VWC2L: variants seen among roughly 807,000 people sequenced by gnomAD.
VWC2L encodes von Willebrand factor C domain-containing protein 2-like.
A neutral mutation model predicts 21.6 loss-of-function variants in VWC2L; 10 were observed. That is an observed-to-expected ratio of 0.46 (90% CI 0.29 to 0.78). The LOEUF (loss-of-function observed/expected upper bound fraction) is 0.78, where lower values mean the gene tolerates loss of function less well. VWC2L is among the 30% of genes least tolerant of loss of function. VWC2L has a pLI of 0.10. For missense variants in VWC2L, 209 were observed against 277.1 expected, an observed-to-expected ratio of 0.75 and a Z score of 1.74; for synonymous variants, 96 against 94.3, an observed-to-expected ratio of 1.02 and a Z score of -0.10.
chr2:214,489,198 C>T (rs1688713961), intron 3 of VWC2L, among the ~76,000 whole-genome samples: 1 of 152,074 alleles, frequency 6.6e-6, no homozygotes, highest in African/African-American at 2.4e-5. Context: ...AGCTAGTGCT[C>T]AAAGAAATCA....
intron 3 of VWC2L, among the ~76,000 whole-genome samples, chr2:214,463,913 TGATA>T (rs1184419559): frequency 2.0e-5 from 3 of 152,112 alleles, no homozygotes; most frequent in African/African-American, 7.2e-5. Context: ...TTCTTCTGCT[TGATA>T]AATTCTGCTG....
intron 3 of VWC2L, among the ~76,000 whole-genome samples, chr2:214,567,595 C>CACACACACAG (rs1553602423): frequency 5.9e-5 from 8 of 135,306 alleles, no homozygotes; most frequent in African/African-American, 1.9e-4. Context: ...CACACACACA[C>CACACACACAG]AGAGAGAGAG....
At position 214,424,096 on chromosome 2, in the gene VWC2L, C is replaced by T. The variant is rs1702482042; in HGVS notation, c.390+9513C>T. On this transcript the variant is annotated intron_variant, in intron 2 of 3. Transcript: ENST00000312504. ...GTTGCAAAAATTCAGATTCCTTGAC[C>T]TTTCCATCTTAAATTCCAATTTACA... is the stretch of plus-strand genomic sequence containing the variant. 2.0e-5 allele frequency among the ~76,000 whole-genome samples: 3 copies of T among 152,080 alleles called. No homozygotes were observed. The South Asian group carries it at 6.2e-4, about 31-fold the overall frequency.
chr2:214,520,483 G>A (rs1055063080), intron 3 of VWC2L, among the ~76,000 whole-genome samples: 5 of 152,054 alleles, frequency 3.3e-5, no homozygotes, highest in Admixed American at 6.5e-5. Context: ...TTGACCATGA[G>A]TCTTTGTTCA....
intron 3 of VWC2L, among the ~76,000 whole-genome samples, chr2:214,518,157 C>T (rs948041456): frequency 9.9e-6 from 1 of 101,398 alleles, no homozygotes; most frequent in Non-Finnish European, 2.2e-5. Flanking sequence ...CAGAGCAAGA[C>T]TCTGTCTCAA....
intron 3 of VWC2L, among the ~76,000 whole-genome samples, chr2:214,559,699 C>G (rs1302870776): frequency 6.6e-6 from 1 of 151,916 alleles, no homozygotes; most frequent in Non-Finnish European, 1.5e-5. Context: ...AGCCTTGAAC[C>G]CTTGAGCTTA....
At chr2:214,420,949 A>T (rs4673826) in intron 2 of VWC2L, among the ~76,000 whole-genome samples, 99,269 of 152,156 alleles carry the variant, frequency 0.65, 34,085 homozygotes, top group African/African-American at 0.87. Flanking sequence ...GAGACCTTAC[A>T]ATTGCTTATC....
At chr2:214,537,141 G>A (rs1689547633) in intron 3 of VWC2L, among the ~76,000 whole-genome samples, 1 of 152,084 alleles carries the variant, frequency 6.6e-6, no homozygotes, top group African/African-American at 2.4e-5. Context: ...ACTCTACACT[G>A]TCAAACCTCG....
At chr2:214,511,862 A>G (rs889981500) in intron 3 of VWC2L, among the ~76,000 whole-genome samples, 6 of 62,136 alleles carry the variant, frequency 9.7e-5, no homozygotes, top group African/African-American at 2.2e-4. Flanking sequence ...TATATACTCT[A>G]TATATATACT....
At chr2:214,466,042 T>TC (rs1454208479) in intron 3 of VWC2L, among the ~76,000 whole-genome samples, 10 of 152,160 alleles carry the variant, frequency 6.6e-5, no homozygotes, top group African/African-American at 2.4e-4. Context: ...AAGCTGTCTT[T>TC]CCTACCTCTT....
intron 3 of VWC2L, among the ~76,000 whole-genome samples, chr2:214,501,936 C>T (rs1688898395): frequency 6.6e-6 from 1 of 152,136 alleles, no homozygotes; most frequent in Admixed American, 6.5e-5. Context: ...AAGCCCACCT[C>T]CCCACCGACT....
intron 3 of VWC2L, among the ~76,000 whole-genome samples, chr2:214,574,341 A>G (rs1306202934): frequency 1.3e-5 from 2 of 152,198 alleles, no homozygotes. Context: ...TGTATGCACT[A>G]TTGAGGTCTG....
At chr2:214,460,250 G>A (rs1238340201) in intron 3 of VWC2L, among the ~76,000 whole-genome samples, 9 of 152,040 alleles carry the variant, frequency 5.9e-5, no homozygotes, top group Admixed American at 5.9e-4. Flanking sequence ...AAATCTTTTT[G>A]AATTGTGCCT....
rs199951100 is a variant in VWC2L, at chr2:214,500,724, TC to T, written c.520+63967del. On this transcript the variant is annotated intron_variant, in intron 3 of 3. Transcript: ENST00000312504. ...TTGCTTTCCTTAACAAGATCAGAGT[TC>T]TATTAGTAAGAATGAAGGAGAGAAT... Among the ~76,000 whole-genome samples the T allele has an allele frequency of 6.6e-3, 1,011 of 152,346 alleles. 10 individuals carry two copies. The highest frequency in any genetic ancestry group is 0.023 in the African/African-American group (962 of 41,572).
intron 3 of VWC2L, among the ~76,000 whole-genome samples, chr2:214,515,932 A>G (rs922502565): frequency 6.6e-6 from 1 of 152,114 alleles, no homozygotes; most frequent in African/African-American, 2.4e-5. Flanking sequence ...GGAAATTTGA[A>G]CACAACATTC....
intron 3 of VWC2L, among the ~76,000 whole-genome samples, chr2:214,562,355 T>A (rs1574638014): frequency 6.6e-6 from 1 of 152,198 alleles, no homozygotes; most frequent in Non-Finnish European, 1.5e-5. Flanking sequence ...AGTATTCCAT[T>A]GTGTATATGT....
intron 3 of VWC2L, among the ~76,000 whole-genome samples, chr2:214,515,006 GAT>G (rs1385421404): frequency 6.6e-6 from 1 of 152,028 alleles, no homozygotes; most frequent in African/African-American, 2.4e-5. Context: ...TTCAAGAAGA[GAT>G]AAAAATGTTA....
intron 3 of VWC2L, among the ~76,000 whole-genome samples, chr2:214,461,225 A>G (rs370167494): frequency 1.3e-5 from 2 of 152,214 alleles, no homozygotes; most frequent in African/African-American, 4.8e-5. Context: ...TTTAAGTGGG[A>G]TAATTCTGGG....
At chr2:214,446,463 T>C (rs1032654635) in intron 3 of VWC2L, among the ~76,000 whole-genome samples, 1 of 152,226 alleles carries the variant, frequency 6.6e-6, no homozygotes, top group African/African-American at 2.4e-5. Context: ...GATTCCCTCT[T>C]AATTCATCAG....
Sources: gnomAD v4.1 joint callset for allele counts (sites outside exome capture counted in the v4.1 genomes callset) on GRCh38, gnomAD v4.1.1 for gene constraint, MANE v1.5 for transcripts, NCBI Gene and HGNC (gene_info 2026-07-23, HGNC 2026-07-21) for gene names.